The following CFAP20DC variants were observed in gnomAD, a reference collection of about 807,000 sequenced individuals.
CFAP20DC encodes the protein CFAP20 domain containing.
A neutral mutation model predicts 101.7 loss-of-function variants in CFAP20DC; 84 were observed. The observed-to-expected ratio is 0.83, with a 90% CI of 0.69 to 0.99. CFAP20DC has a LOEUF of 0.99. CFAP20DC is among the 50% of genes least tolerant of loss of function. CFAP20DC has a pLI of 0.00. For missense variants in CFAP20DC, 1,007 were observed against 970.3 expected (o/e 1.04, Z -0.50); for synonymous variants, 359 against 351.2 (o/e 1.02, Z -0.25).
At chr3:58,807,133 G>A (rs1056941859) in intron 14 of CFAP20DC, among the ~76,000 whole-genome samples, 2 of 152,208 alleles carry the variant, frequency 1.3e-5, no homozygotes, top group Admixed American at 6.5e-5. Context: ...CTCCACCTCT[G>A]GGGGCGGGGC....
At chr3:58,716,617 C>T (rs996348286), downstream of CFAP20DC, among the ~76,000 whole-genome samples, 6 of 152,100 alleles carry the variant, frequency 3.9e-5, no homozygotes, top group Non-Finnish European at 8.8e-5. Flanking sequence ...TATGGCAGGC[C>T]TTGCTCCAAA....
intron 14 of CFAP20DC, among the ~76,000 whole-genome samples, chr3:58,814,174 T>G (rs756440215): frequency 6.6e-6 from 1 of 151,860 alleles, no homozygotes; most frequent in Non-Finnish European, 1.5e-5. Flanking sequence ...CAGGTGAATT[T>G]CCATTTCTTA....
At chr3:58,982,851 GT>G (rs1480174359) in intron 4 of CFAP20DC, among the ~76,000 whole-genome samples, 1 of 151,736 alleles carries the variant, frequency 6.6e-6, no homozygotes, top group Non-Finnish European at 1.5e-5. Context: ...AAAAATTAAA[GT>G]ATAATAATAA....
Position 59,049,808 on chromosome 3 carries a change from C to T in CFAP20DC, c.-177G>A, listed in dbSNP as rs1700169563. 7.3e-6 allele frequency: 5 copies of T among 689,178 alleles called. No individual in the cohort carries two copies. In the South Asian group the frequency reaches 7.6e-5, roughly 10 times the overall value. 42.7% of individuals were successfully genotyped at this position (689,178 alleles called of 1,614,324 possible). A position where few individuals can be genotyped will look rare whatever the true frequency, so the allele number is the denominator to read the frequency against. ...CTCAGCCCCTCCGGCCCCTGGTCAG[C>T]TCCATCTCCCGCCCTCCATCAGCAC... On this transcript the variant is annotated 5_prime_UTR_variant, in exon 1 of 17. Coordinates refer to ENST00000482387, the MANE Select transcript of CFAP20DC (RefSeq NM_001394063.1).
At chr3:58,780,105 A>T (rs1169788797) in intron 15 of CFAP20DC, among the ~76,000 whole-genome samples, 4 of 152,136 alleles carry the variant, frequency 2.6e-5, no homozygotes, top group African/African-American at 9.6e-5. Context: ...AGGATACTAT[A>T]CCCAGCAAAA....
At position 59,015,713 on chromosome 3, in the gene CFAP20DC, G is replaced by A. The variant is rs1265901689; in HGVS notation, c.278+23844C>T. ...GTACATAATACAGTCTTAGAACGAGGCCTCACAGACATCCAGACTTCTTTC... is the reference window on the plus strand; with the variant it reads ...GTACATAATACAGTCTTAGAACGAGACCTCACAGACATCCAGACTTCTTTC... On this transcript the variant is annotated intron_variant, in intron 4 of 16. Coordinates refer to ENST00000482387, the MANE Select transcript of CFAP20DC (RefSeq NM_001394063.1). This position sits in a 1 kb window ranked among gnomAD's most constrained non-coding sequence, Gnocchi z 5.4. Among the ~76,000 whole-genome samples the A allele has an allele frequency of 1.3e-5, 2 of 152,032 alleles. No homozygotes were observed. Among genetic ancestry groups the A allele is most frequent in the South Asian group, 2.1e-4 (1 of 4,812 alleles).
intron 6 of CFAP20DC, among the ~76,000 whole-genome samples, chr3:58,905,899 T>C (rs1405920843): frequency 6.6e-6 from 1 of 152,182 alleles, no homozygotes. Context: ...ATGGCATCTC[T>C]TGTATCTTTC....
chr3:58,812,985 C>T (rs762719783), intron 14 of CFAP20DC, among the ~76,000 whole-genome samples: 65 of 151,862 alleles, frequency 4.3e-4, no homozygotes, highest in Non-Finnish European at 8.5e-4. Context: ...GTTCAACCAT[C>T]ATTAATAACA....
chr3:58,758,943 G>A (rs897194504), intron 15 of CFAP20DC, among the ~76,000 whole-genome samples: 3 of 152,050 alleles, frequency 2.0e-5, no homozygotes, highest in Non-Finnish European at 4.4e-5. Context: ...ATCATTGTTG[G>A]ACATTTGGGT....
intron 7 of CFAP20DC, among the ~76,000 whole-genome samples, chr3:58,873,002 T>C (rs745827674): frequency 2.7e-5 from 4 of 150,032 alleles, no homozygotes; most frequent in Non-Finnish European, 5.9e-5. Flanking sequence ...CAAGCAGAAG[T>C]CTGGATAGCT....
At chr3:58,908,547 T>C (rs1260026446) in intron 6 of CFAP20DC, among the ~76,000 whole-genome samples, 1 of 152,158 alleles carries the variant, frequency 6.6e-6, no homozygotes, top group Non-Finnish European at 1.5e-5. Context: ...TATTCACTGC[T>C]GGGGGAAATG....
Position 59,049,669 on chromosome 3 carries a change from C to G in CFAP20DC, c.-38G>C. 2.0e-6 allele frequency: 3 copies of G among 1,534,030 alleles called. No individual in the cohort carries two copies. Among genetic ancestry groups the G allele is most frequent in the Non-Finnish European group, 2.6e-6 (3 of 1,145,658 alleles). On this transcript the variant is annotated 5_prime_UTR_variant, in exon 1 of 17. Coordinates refer to ENST00000482387, the MANE Select transcript of CFAP20DC (RefSeq NM_001394063.1). ...CCCAGGGCTTGGGGGGCACAGAGTT[C>G]AGGGTTTCCAGCGAGTGGCGTGACC... is the stretch of plus-strand genomic sequence containing the variant.
At chr3:58,895,930 C>T (rs547440451) in intron 6 of CFAP20DC, among the ~76,000 whole-genome samples, 20 of 152,274 alleles carry the variant, frequency 1.3e-4, no homozygotes, top group South Asian at 6.2e-4. Flanking sequence ...GAGACTTATT[C>T]GCTATTACAA....
intron 5 of CFAP20DC, among the ~76,000 whole-genome samples, chr3:58,921,690 T>G (rs1007584679): frequency 2.6e-5 from 4 of 152,224 alleles, no homozygotes; most frequent in Admixed American, 6.5e-5. Flanking sequence ...TTGAAAATTA[T>G]GTGTATTCTG....
rs574207863 is a variant in CFAP20DC, at chr3:58,931,494, C to A, written c.393+6154G>T. ...CTCAAGTGGGTCCCTGACCCCTGAC[C>A]CCTGAGCAGCCTAACTGGGAGGCAC... On this transcript the variant is annotated intron_variant, in intron 5 of 16. Coordinates refer to ENST00000482387, the MANE Select transcript of CFAP20DC (RefSeq NM_001394063.1). 1.8e-4 allele frequency among the ~76,000 whole-genome samples: 28 copies of A among 152,296 alleles called. 1 individual carries two copies. In the South Asian group the frequency reaches 5.6e-3, roughly 30 times the overall value.
intron 10 of CFAP20DC, 120 bp downstream of exon 10, chr3:58,867,697 C>G (rs1576026023): frequency 8.3e-7 from 1 of 1,210,662 alleles, no homozygotes; most frequent in East Asian, 2.4e-5. Context: ...CCTTGTAGAA[C>G]AGACATTTAT....
intron 4 of CFAP20DC, among the ~76,000 whole-genome samples, chr3:59,013,932 T>C (rs941930673): frequency 6.6e-6 from 1 of 152,214 alleles, no homozygotes; most frequent in Non-Finnish European, 1.5e-5. Flanking sequence ...TAATTTGATC[T>C]ATTTTAAATA....
intron 14 of CFAP20DC, among the ~76,000 whole-genome samples, chr3:58,826,013 T>C (rs2107983130): frequency 6.6e-6 from 1 of 152,356 alleles, no homozygotes; most frequent in East Asian, 1.9e-4. Context: ...CAAAGGATTT[T>C]GCTAAAGACT....
At position 58,769,862 on chromosome 3, in the gene CFAP20DC, T is replaced by C. The variant is rs558386280; in HGVS notation, c.2238-15999A>G. The stretch of plus-strand genomic sequence containing the variant: ...GGTATGCAATAAACACTCATACAAA[T>C]GGGAAATCATACTCTTTCTTCTGGT... On this transcript the variant is annotated intron_variant, in intron 15 of 16. Transcript: ENST00000482387. 2.0e-5 allele frequency among the ~76,000 whole-genome samples: 3 copies of C among 152,248 alleles called. No homozygotes were observed. In the East Asian group the frequency reaches 5.8e-4, roughly 29 times the overall value.
Sources: gnomAD v4.1 joint callset for allele counts (sites outside exome capture counted in the v4.1 genomes callset) on GRCh38, gnomAD v4.1.1 for gene constraint, Gnocchi (gnomAD v3.1) non-coding constraint, MANE v1.5 for transcripts, NCBI Gene and HGNC (gene_info 2026-07-23, HGNC 2026-07-21) for gene names.